The following PARD3 variants were observed in gnomAD, a reference collection of about 807,000 sequenced individuals.
PARD3 encodes the protein par-3 family cell polarity regulator.
In PARD3, 75 loss-of-function variants were observed where a neutral mutation model predicts 155.4. That is an observed-to-expected ratio of 0.48 (90% CI 0.40 to 0.58). The LOEUF (loss-of-function observed/expected upper bound fraction) is 0.58, where lower values mean the gene tolerates loss of function less well. PARD3 is among the 20% of genes least tolerant of loss of function. PARD3 has a pLI of 0.00. For missense variants in PARD3, 1,642 were observed against 1,721.7 expected (o/e 0.95, Z 0.82); for synonymous variants, 576 against 610.5 (o/e 0.94, Z 0.83).
intron 18 of PARD3, among the ~76,000 whole-genome samples, chr10:34,332,765 CTATAT>C (rs1306689490): frequency 6.6e-6 from 1 of 152,080 alleles, no homozygotes; most frequent in Middle Eastern, 3.2e-3. Context: ...GCAGGTTTGT[CTATAT>C]TTCTTTATTT....
intron 2 of PARD3, among the ~76,000 whole-genome samples, chr10:34,641,881 G>A (rs2092689592): frequency 6.6e-6 from 1 of 152,150 alleles, no homozygotes; most frequent in African/African-American, 2.4e-5. Context: ...GCGTGGAGGA[G>A]GGCACAAGGG....
intron 13 of PARD3, 85 bp downstream of exon 13, chr10:34,359,986 T>A: frequency 3.0e-6 from 3 of 993,324 alleles, no homozygotes; most frequent in Non-Finnish European, 4.6e-6. Context: ...AAACTTCTGT[T>A]AACTGTATAT....
intron 22 of PARD3, among the ~76,000 whole-genome samples, chr10:34,230,905 A>C (rs1254587896): frequency 6.6e-6 from 1 of 152,026 alleles, no homozygotes; most frequent in Non-Finnish European, 1.5e-5. Flanking sequence ...GTGAGGATAC[A>C]GTCCCAGCTA....
chr10:34,550,732 C>T (rs143661191), intron 2 of PARD3, among the ~76,000 whole-genome samples: 4 of 152,240 alleles, frequency 2.6e-5, no homozygotes, highest in African/African-American at 9.6e-5. Flanking sequence ...AAAAAGAAAT[C>T]GTTGTGCTCT....
At chr10:34,749,594 T>C (rs543632913) in intron 1 of PARD3, among the ~76,000 whole-genome samples, 2 of 152,244 alleles carry the variant, frequency 1.3e-5, no homozygotes, top group East Asian at 3.9e-4. Flanking sequence ...ATAGAACTTA[T>C]ATGATGTATA....
chr10:34,378,918 C>T (rs1841537649), intron 9 of PARD3, among the ~76,000 whole-genome samples: 1 of 152,100 alleles, frequency 6.6e-6, no homozygotes, highest in Admixed American at 6.6e-5. Flanking sequence ...CAATACAAAG[C>T]AGAAAAGTGT....
At chr10:34,645,301 G>C (rs935291714) in intron 2 of PARD3, among the ~76,000 whole-genome samples, 1 of 151,940 alleles carries the variant, frequency 6.6e-6, no homozygotes, top group African/African-American at 2.4e-5. Flanking sequence ...TACCTCCCAG[G>C]TTCAAGAGAT....
At chr10:34,386,121 T>C (rs181285845) in intron 7 of PARD3, among the ~76,000 whole-genome samples, 4 of 152,326 alleles carry the variant, frequency 2.6e-5, no homozygotes, top group Admixed American at 6.5e-5. Context: ...TTCTAACTTT[T>C]ATTAATAAAT....
intron 2 of PARD3, among the ~76,000 whole-genome samples, chr10:34,523,956 T>C (rs1433165885): frequency 1.3e-5 from 2 of 152,170 alleles, no homozygotes; most frequent in Non-Finnish European, 2.9e-5. Context: ...TCCAAAAAAA[T>C]TATAAATTAG....
At chr10:34,567,818 A>G (rs780666323) in intron 2 of PARD3, among the ~76,000 whole-genome samples, 4 of 152,236 alleles carry the variant, frequency 2.6e-5, no homozygotes, top group Non-Finnish European at 5.9e-5. Flanking sequence ...TGCACAATAG[A>G]TGTGACATGA....
chr10:34,321,684 T>C (rs1039778195), intron 19 of PARD3, among the ~76,000 whole-genome samples: 5 of 152,196 alleles, frequency 3.3e-5, no homozygotes, highest in African/African-American at 1.2e-4. Context: ...AATTACCATG[T>C]TTTCAACAGA....
chr10:34,549,509 T>TTTC (rs1564833836), intron 2 of PARD3, among the ~76,000 whole-genome samples: 1 of 151,868 alleles, frequency 6.6e-6, no homozygotes, highest in African/African-American at 2.4e-5. Context: ...TTGTTTGTTT[T>TTTC]GGCTGCTGAT....
At chr10:34,393,193 C>T (rs1031047125) in intron 7 of PARD3, among the ~76,000 whole-genome samples, 2 of 148,190 alleles carry the variant, frequency 1.3e-5, no homozygotes, top group Non-Finnish European at 3.0e-5. Context: ...CATACAATTA[C>T]TATTTTCACA....
chr10:34,430,353 T>C (rs1006827694), intron 5 of PARD3, among the ~76,000 whole-genome samples: 10 of 152,224 alleles, frequency 6.6e-5, no homozygotes, highest in Non-Finnish European at 1.3e-4. Flanking sequence ...TAGACTATTG[T>C]ACGTAATTTA....
chr10:34,203,108 A>T (rs1412728458), intron 22 of PARD3, among the ~76,000 whole-genome samples: 1 of 152,184 alleles, frequency 6.6e-6, no homozygotes, highest in Admixed American at 6.5e-5. Flanking sequence ...TGCCTGTGCC[A>T]AGAAAATATG....
At chr10:34,428,013 G>C (rs773848260) in intron 5 of PARD3, among the ~76,000 whole-genome samples, 1 of 152,148 alleles carries the variant, frequency 6.6e-6, no homozygotes, top group South Asian at 2.1e-4. Context: ...AGAGAAGGCC[G>C]GTAGACCAAG....
rs566333498 is a variant in PARD3 at position 34,347,824 on chromosome 10, CTCTTT to C, written c.2218+136_2218+140del. ...CCTGAATGATTTTAATAAACCTGTT[CTCTTT>C]TGTCTTGAAAACATTAATATTTTTA... is the stretch of plus-strand genomic sequence containing the variant. On this transcript the variant is annotated intron_variant, in intron 15 of 24. Coordinates refer to ENST00000374788, the MANE Select transcript of PARD3 (RefSeq NM_001184785.2). 162 of 578,838 alleles carry C rather than the reference CTCTTT, an allele frequency of 2.8e-4. 2 individuals carry two copies. The South Asian group carries it at 8.0e-3, about 29-fold the overall frequency. 35.9% of individuals were successfully genotyped at this position (578,838 alleles called of 1,614,324 possible). A position where few individuals can be genotyped will look rare whatever the true frequency, so the allele number is the denominator to read the frequency against.
chr10:34,666,008 G>T (rs116003895), intron 2 of PARD3, among the ~76,000 whole-genome samples: 277 of 151,994 alleles, frequency 1.8e-3, no homozygotes, highest in African/African-American at 6.5e-3. Context: ...GAAGCCAGGA[G>T]TTTGAGATCA....
intron 20 of PARD3, among the ~76,000 whole-genome samples, chr10:34,311,526 T>C (rs956907755): frequency 6.6e-6 from 1 of 152,158 alleles, no homozygotes; most frequent in Non-Finnish European, 1.5e-5. Flanking sequence ...GTAAGGACCA[T>C]TGGAGATCCA....
Sources: gnomAD v4.1 joint callset for allele counts (sites outside exome capture counted in the v4.1 genomes callset) on GRCh38, gnomAD v4.1.1 for gene constraint, MANE v1.5 for transcripts, NCBI Gene and HGNC (gene_info 2026-07-23, HGNC 2026-07-21) for gene names.